The following MINDY4B variants were observed in gnomAD, a reference collection of about 807,000 sequenced individuals.
The protein encoded by MINDY4B is MINDY family member 4B.
In MINDY4B, 25 loss-of-function variants were observed where a neutral mutation model predicts 16.7. That is an observed-to-expected ratio of 1.49 (90% CI 1.09 to 2.09). The LOEUF (loss-of-function observed/expected upper bound fraction) is 2.09. Among genes scored for constraint, MINDY4B ranks in the 30% most tolerant of loss-of-function variants. The pLI is 0.00. For missense variants in MINDY4B, 327 were observed against 168.4 expected, an observed-to-expected ratio of 1.94 and a Z score of -5.21; for synonymous variants, 132 against 61.9, an observed-to-expected ratio of 2.13 and a Z score of -5.32.
intron 10 of MINDY4B, among the ~76,000 whole-genome samples, chr3:150,876,878 T>C (rs1487823977): frequency 6.6e-6 from 1 of 152,164 alleles, no homozygotes; most frequent in Non-Finnish European, 1.5e-5. Context: ...CTGCTTTATG[T>C]TCTCACTTAG....
chr3:150,901,547 A>C lies in MINDY4B; in HGVS notation c.309+1702T>G, dbSNP rs1207010953. ...CTTTTTTTTTTTTTTTTTTTGACAG[A>C]GTCTCACTCTGTTGCCCAGGCTGGA... On this transcript the variant is annotated intron_variant, in intron 3 of 11. Transcript: ENST00000465419. The C allele has an allele frequency of 3.5e-5, 5 of 142,158 alleles. No individual in the cohort carries two copies. In the Admixed American group the frequency reaches 3.6e-4, roughly 10 times the overall value. The allele number at this position is 142,158 out of a possible 1,614,324, so 8.8% of individuals were successfully genotyped here. A position where few individuals can be genotyped will look rare whatever the true frequency, so the allele number is the denominator to read the frequency against.
intron 6 of MINDY4B, 69 bp from the exon 7 acceptor site, chr3:150,890,454 A>C (rs1711769279): frequency 1.8e-6 from 1 of 545,094 alleles, no homozygotes; most frequent in African/African-American, 1.9e-5. Context: ...ATGTCAACTC[A>C]CTGTTATTAC....
Position 150,903,399 on chromosome 3 carries a change from A to G in MINDY4B, c.159T>C (p.His53=), listed in dbSNP as rs567500676. 1.0e-5 allele frequency: 4 copies of G among 398,504 alleles called. No individual in the cohort carries two copies. Among genetic ancestry groups the G allele is most frequent in the African/African-American group, 4.1e-5 (2 of 48,742 alleles). 24.7% of individuals were successfully genotyped at this position (398,504 alleles called of 1,614,324 possible). A position where few individuals can be genotyped will look rare whatever the true frequency, so the allele number is the denominator to read the frequency against. Residue 53 remains histidine (H), a synonymous_variant, in exon 3 of 12, where the codon CAT becomes CAC. Transcript: ENST00000465419. The stretch of plus-strand genomic sequence containing the variant: ...CATCTTCATTTTCATCAGCAGATGT[A>G]TGGTTGCCTTCATGATTCTGTGCAA... ...NSTPQNHEGN[H]TSADENEDGT... is the part of the protein sequence containing the mutation.
chr3:150,890,353 G>A lies in MINDY4B; in HGVS notation c.720C>T (p.Ala240=), dbSNP rs745667973. The A allele has an allele frequency of 8.1e-5, 51 of 630,066 alleles. No homozygotes were observed. Among genetic ancestry groups the A allele is most frequent in the South Asian group, 7.8e-4 (43 of 55,076 alleles). The allele number at this position is 630,066 out of a possible 1,614,324, so 39.0% of individuals were successfully genotyped here. The change falls in exon 7 of 12, where the codon GCC becomes GCT. Residue 240 remains alanine (A), a synonymous_variant. Coordinates refer to ENST00000465419, the MANE Select transcript of MINDY4B (RefSeq NM_001351281.2). ...LQLFEFLEKE[A]AEKFIYDHLL... ...AGTGATCGTAGATGAATTTCTCAGC[G>A]GCTTCTTTCTCTAAAAATTCAAACA... is the stretch of plus-strand genomic sequence containing the variant.
Position 150,873,252 on chromosome 3 carries a change from C to T in MINDY4B, c.1175G>A (p.Arg392His), listed in dbSNP as rs754255091. 1.3e-4 allele frequency: 94 copies of T among 703,174 alleles called. No individual in the cohort carries two copies. The highest frequency in any genetic ancestry group is 9.9e-4 in the African/African-American group (57 of 57,370). The allele number at this position is 703,174 out of a possible 1,614,324, so 43.6% of individuals were successfully genotyped here. The change falls in exon 11 of 12, where the codon CGT becomes CAT. Residue 392 changes from arginine (R) to histidine (H), a missense_variant. Coordinates refer to ENST00000465419, the MANE Select transcript of MINDY4B (RefSeq NM_001351281.2). ...ACTGTAAAAGTACAGATCAAAGAGA[C>T]GTTCCATTTTCCAGTCTGATAAGAG... Reference protein sequence around the residue: ...RQLLSDWKMERLFDLYFYSGQ... With the variant: ...RQLLSDWKMEHLFDLYFYSGQ...
chr3:150,901,635 C>T (rs1712119340), intron 3 of MINDY4B, among the ~76,000 whole-genome samples: 1 of 151,588 alleles, frequency 6.6e-6, no homozygotes, highest in Non-Finnish European at 1.5e-5. Context: ...GATTCTCCTG[C>T]CTCAGCTTCC....
At chr3:150,885,872 C>T (rs1711609610) in intron 7 of MINDY4B, among the ~76,000 whole-genome samples, 1 of 152,102 alleles carries the variant, frequency 6.6e-6, no homozygotes, top group African/African-American at 2.4e-5. Context: ...GAGTTATACA[C>T]CTCGGTTCTA....
intron 10 of MINDY4B, among the ~76,000 whole-genome samples, chr3:150,881,018 A>G (rs1281055019): frequency 2.0e-5 from 3 of 152,238 alleles, no homozygotes; most frequent in African/African-American, 4.8e-5. Context: ...ATAACGATAA[A>G]CAATTCTCTG....
At chr3:150,871,551 G>GA (rs757301275) in intron 11 of MINDY4B, among the ~76,000 whole-genome samples, 2,915 of 141,388 alleles carry the variant, frequency 0.021, 77 homozygotes, top group African/African-American at 0.062. Flanking sequence ...ATATTGTCAG[G>GA]AAAAAAAAAA....
chr3:150,901,989 G>A (rs962952222), intron 3 of MINDY4B, among the ~76,000 whole-genome samples: 1 of 152,070 alleles, frequency 6.6e-6, no homozygotes, highest in Non-Finnish European at 1.5e-5. Flanking sequence ...GTCCTGTCTC[G>A]GGGAGCTTAA....
At chr3:150,878,913 A>C (rs1490203248) in intron 10 of MINDY4B, among the ~76,000 whole-genome samples, 2 of 152,228 alleles carry the variant, frequency 1.3e-5, no homozygotes, top group Non-Finnish European at 2.9e-5. Context: ...AGACTTGTGT[A>C]GAAAGAAATG....
At chr3:150,900,400 C>G (rs1712087245) in intron 3 of MINDY4B, among the ~76,000 whole-genome samples, 1 of 152,192 alleles carries the variant, frequency 6.6e-6, no homozygotes, top group East Asian at 1.9e-4. Context: ...AGAATGACAA[C>G]AAAAGGATTT....
In MINDY4B at chr3:150,871,254, G is replaced by C. The variant is rs1394178105; in HGVS notation, c.1241-67C>G. 5 of 664,940 alleles carry C rather than the reference G, an allele frequency of 7.5e-6. No individual in the cohort carries two copies. The African/African-American group carries it at 8.9e-5, about 12-fold the overall frequency. 41.2% of individuals were successfully genotyped at this position (664,940 alleles called of 1,614,324 possible). On this transcript the variant is annotated intron_variant, in intron 11 of 11. Transcript: ENST00000465419. The stretch of plus-strand genomic sequence containing the variant: ...CACCATTCCAGAGGAAACCACTAAA[G>C]AAGGACAGAAGGGTGGGTGGGCAGG...
chr3:150,896,742 G>C (rs537172910), intron 3 of MINDY4B, among the ~76,000 whole-genome samples: 2 of 152,298 alleles, frequency 1.3e-5, no homozygotes, highest in Non-Finnish European at 2.9e-5. Flanking sequence ...GTCTGTGAGT[G>C]TCTCAGCCAT....
intron 10 of MINDY4B, among the ~76,000 whole-genome samples, chr3:150,875,295 T>G (rs964225863): frequency 1.3e-5 from 2 of 152,222 alleles, no homozygotes; most frequent in South Asian, 4.1e-4. Flanking sequence ...AGATGATATG[T>G]AATCAAAATA....
intron 3 of MINDY4B, among the ~76,000 whole-genome samples, chr3:150,899,809 C>A (rs569228209): frequency 6.6e-6 from 1 of 152,194 alleles, no homozygotes; most frequent in Non-Finnish European, 1.5e-5. Flanking sequence ...CATTAACTCA[C>A]ACCTGTCGAG....
Position 150,904,794 on chromosome 3 carries a change from C to T in MINDY4B, c.141+268G>A, listed in dbSNP as rs2124514. Among the ~76,000 whole-genome samples the T allele has an allele frequency of 9.9e-3, 1,505 of 152,172 alleles. 27 individuals are homozygous for T. Among genetic ancestry groups the T allele is most frequent in the African/African-American group, 0.035 (1,459 of 41,500 alleles). On this transcript the variant is annotated intron_variant, in intron 2 of 11. Transcript: ENST00000465419. The stretch of plus-strand genomic sequence containing the variant: ...GTTATTTCACAAATGTGGGAACTTT[C>T]GATTTTAATATTACCTTTTTTCCTA...
chr3:150,904,078 T>C (rs971463818), intron 2 of MINDY4B, among the ~76,000 whole-genome samples: 1 of 152,260 alleles, frequency 6.6e-6, no homozygotes, highest in African/African-American at 2.4e-5. Flanking sequence ...TTAGTTTTTC[T>C]GTATTCCTAG....
At position 150,885,025 on chromosome 3, in the gene MINDY4B, A is replaced by G. The variant is rs1246880454; in HGVS notation, c.824+343T>C. 2.0e-5 allele frequency among the ~76,000 whole-genome samples: 3 copies of G among 152,218 alleles called. No homozygotes were observed. In the East Asian group the frequency reaches 5.8e-4, roughly 29 times the overall value. On this transcript the variant is annotated intron_variant, in intron 8 of 11. Coordinates refer to ENST00000465419, the MANE Select transcript of MINDY4B (RefSeq NM_001351281.2). ...TTTGCATATCATAGAGACAAAATAC[A>G]TATTTGAGGATATACCTTATCATGG...
Sources: allele counts gnomAD v4.1 joint callset (sites outside exome capture counted in the v4.1 genomes callset), GRCh38; gene constraint gnomAD v4.1.1; transcripts MANE v1.5; gene names NCBI Gene and HGNC (gene_info 2026-07-23, HGNC 2026-07-21).